TBC1D19: variants seen among roughly 807,000 people sequenced by gnomAD.
The protein encoded by TBC1D19 is TBC1 domain family member 19.
A neutral mutation model predicts 89.0 loss-of-function variants in TBC1D19; 60 were observed. That is an observed-to-expected ratio of 0.67 (90% confidence interval 0.55 to 0.84). The LOEUF is 0.84. Among genes scored for constraint, TBC1D19 ranks in the 40% least tolerant of loss-of-function variants. The pLI, the probability that TBC1D19 is intolerant of heterozygous loss-of-function variation, is 0.00. For synonymous variants in TBC1D19, 189 were observed against 199.7 expected, an observed-to-expected ratio of 0.95 and a Z score of 0.45; for missense variants, 500 against 610.8, an observed-to-expected ratio of 0.82 and a Z score of 1.91.
the TBC1D19 span, among the ~76,000 whole-genome samples, chr4:26,840,656 G>A: frequency 6.6e-6 from 1 of 152,056 alleles, no homozygotes; most frequent in Admixed American, 6.5e-5. Flanking sequence ...GTAGACCCAG[G>A]GCTAGCTTCC....
At chr4:26,846,370 A>G in the TBC1D19 span, among the ~76,000 whole-genome samples, 4 of 152,200 alleles carry the variant, frequency 2.6e-5, no homozygotes, top group Non-Finnish European at 5.9e-5. Context: ...TCATTAGTCA[A>G]GTAGATCATT....
chr4:26,789,627 TC>T, the TBC1D19 span, among the ~76,000 whole-genome samples: 1 of 152,078 alleles, frequency 6.6e-6, no homozygotes. Context: ...TAATATAACC[TC>T]ATGGAAAACA....
the TBC1D19 span, among the ~76,000 whole-genome samples, chr4:26,781,667 T>C: frequency 2.0e-5 from 3 of 152,236 alleles, no homozygotes; most frequent in African/African-American, 4.8e-5. Flanking sequence ...AAATATGTTT[T>C]CCCATGCTGA....
chr4:26,627,154 C>T (rs1478901531), intron 4 of TBC1D19, among the ~76,000 whole-genome samples: 2 of 151,462 alleles, frequency 1.3e-5, no homozygotes, highest in African/African-American at 2.4e-5. Flanking sequence ...GTTTTTTGTC[C>T]TTGCGATAGT....
At chr4:26,735,120 ATGTGTG>A (rs150447027) in intron 15 of TBC1D19, among the ~76,000 whole-genome samples, 1 of 151,282 alleles carries the variant, frequency 6.6e-6, no homozygotes, top group African/African-American at 2.4e-5. Flanking sequence ...ATGTATACAC[ATGTGTG>A]TGTATATTTG....
At chr4:26,627,448 C>T (rs1221717403) in intron 4 of TBC1D19, among the ~76,000 whole-genome samples, 2 of 152,082 alleles carry the variant, frequency 1.3e-5, no homozygotes, top group East Asian at 3.9e-4. Flanking sequence ...AGTTCTAGAA[C>T]CCTGAGGAAT....
the TBC1D19 span, among the ~76,000 whole-genome samples, chr4:26,811,904 G>A: frequency 6.6e-6 from 1 of 152,206 alleles, no homozygotes; most frequent in African/African-American, 2.4e-5. Flanking sequence ...TGTGTTATCA[G>A]CAAGGCCTTT....
At chr4:26,678,148 T>A (rs567273864) in intron 11 of TBC1D19, among the ~76,000 whole-genome samples, 1 of 152,106 alleles carries the variant, frequency 6.6e-6, no homozygotes, top group African/African-American at 2.4e-5. Flanking sequence ...GACCAAAATG[T>A]TGATAGTGAT....
intron 15 of TBC1D19, among the ~76,000 whole-genome samples, chr4:26,730,753 G>C (rs553988678): frequency 6.6e-6 from 1 of 152,296 alleles, no homozygotes; most frequent in South Asian, 2.1e-4. Flanking sequence ...GAAGCCTGCA[G>C]GTCCAGCCTC....
intron 15 of TBC1D19, among the ~76,000 whole-genome samples, chr4:26,732,728 C>T (rs1191817577): frequency 3.3e-5 from 5 of 152,172 alleles, no homozygotes; most frequent in Non-Finnish European, 2.9e-5. Context: ...AGCTCACAGG[C>T]CACACATAAA....
At chr4:26,736,633 C>T (rs1413773537) in intron 16 of TBC1D19, among the ~76,000 whole-genome samples, 1 of 152,226 alleles carries the variant, frequency 6.6e-6, no homozygotes, top group South Asian at 2.1e-4. Context: ...ATATTTAGCT[C>T]TAATAGGTGT....
intron 18 of TBC1D19, among the ~76,000 whole-genome samples, chr4:26,742,868 C>T (rs1165195439): frequency 2.0e-5 from 3 of 151,992 alleles, no homozygotes; most frequent in Admixed American, 6.6e-5. Flanking sequence ...CTATTCATAA[C>T]GAAAGGTGTC....
At position 26,688,205 on chromosome 4, in the gene TBC1D19, A is replaced by C. The variant is rs1193923234; in HGVS notation, c.892-140A>C. The C allele has an allele frequency of 4.0e-6, 5 of 1,239,634 alleles. No homozygotes were observed. In the East Asian group the frequency reaches 1.7e-4, roughly 43 times the overall value. The allele number at this position is 1,239,634 out of a possible 1,614,324, so 76.8% of individuals were successfully genotyped here. On this transcript the variant is annotated intron_variant, in intron 12 of 20. Coordinates refer to ENST00000264866, the MANE Select transcript of TBC1D19 (RefSeq NM_018317.4). ...ATATTAGTTCAGTAAATACATAGCA[A>C]TGATAAAATTTAATTGAGAAGTTTA...
chr4:26,750,913 A>G (rs983199732), intron 19 of TBC1D19, among the ~76,000 whole-genome samples: 1 of 152,196 alleles, frequency 6.6e-6, no homozygotes, highest in Non-Finnish European at 1.5e-5. Context: ...CTTGAGAAAT[A>G]TTTTCATAAA....
At chr4:26,751,046 G>C (rs925245823) in intron 19 of TBC1D19, among the ~76,000 whole-genome samples, 4 of 152,084 alleles carry the variant, frequency 2.6e-5, no homozygotes, top group African/African-American at 9.7e-5. Context: ...GAAAATATTA[G>C]AGCCTCTATA....
chr4:26,666,287 A>C, intron 8 of TBC1D19, 46 bp from the exon 9 acceptor site: 3 of 1,484,792 alleles, frequency 2.0e-6, no homozygotes, highest in Non-Finnish European at 2.8e-6. Flanking sequence ...AACAATGTGC[A>C]GCAAAGTCTG....
upstream of TBC1D19, among the ~76,000 whole-genome samples, chr4:26,580,321 T>A (rs1157217778): frequency 6.6e-6 from 1 of 152,214 alleles, no homozygotes; most frequent in Non-Finnish European, 1.5e-5. Context: ...TTTAAGCACC[T>A]TTGGTGCTTT....
chr4:26,740,045 GTCT>G, intron 17 of TBC1D19, 72 bp downstream of exon 17: 1 of 988,944 alleles, frequency 1.0e-6, no homozygotes, highest in South Asian at 2.4e-5. Context: ...TTAAGAAAAA[GTCT>G]TCTACTCAAA....
At chr4:26,832,417 G>GA in the TBC1D19 span, among the ~76,000 whole-genome samples, 2 of 151,946 alleles carry the variant, frequency 1.3e-5, no homozygotes, top group Non-Finnish European at 2.9e-5. Context: ...CAACTGGGGA[G>GA]AAAAAAAGAA....
Sources: gnomAD v4.1 joint callset for allele counts (sites outside exome capture counted in the v4.1 genomes callset) on GRCh38, gnomAD v4.1.1 for gene constraint, MANE v1.5 for transcripts, NCBI Gene and HGNC (gene_info 2026-07-23, HGNC 2026-07-21) for gene names.